Variants in PTPN22 observed in about 807,000 individuals in gnomAD.
PTPN22 encodes the protein protein tyrosine phosphatase non-receptor type 22.
A neutral mutation model predicts 103.3 loss-of-function variants in PTPN22; 85 were observed. The ratio of observed to expected loss-of-function variants is 0.82; its 90% CI spans 0.69 to 0.99. PTPN22 has a LOEUF of 0.99. PTPN22 is among the 50% of genes least tolerant of loss of function. The pLI, the probability that PTPN22 is intolerant of heterozygous loss-of-function variation, is 0.00. For missense variants in PTPN22, 865 were observed against 936.9 expected (o/e 0.92, Z 1.00); for synonymous variants, 323 against 310.2 (o/e 1.04, Z -0.43).
At chr1:113,814,695 AT>A in exon 21 of PTPN22, 1 of 523,496 alleles carries the variant, frequency 1.9e-6, no homozygotes, top group Admixed American at 3.7e-5. Context: ...ACAAACTTTT[AT>A]TTGCAGTTTT....
exon 13 of PTPN22, chr1:113,837,837 A>C (rs773536218): frequency 1.9e-6 from 3 of 1,613,860 alleles, no homozygotes; most frequent in Non-Finnish European, 2.5e-6. Context: ...CACCAAGAGC[A>C]CTAGAGTCAT....
rs187131457 is a variant in PTPN22 at position 113,837,615 on chromosome 1, T to G, written c.1785A>C (p.Leu595=). The change falls in exon 13 of 21, where the codon CTA becomes CTC. Residue 595 remains leucine, a synonymous_variant. Transcript: ENST00000359785. Reference sequence around the variant, plus strand: ...CTAGTACAGCTGACTCCTGGTTCAATAGTGAGGAAATATTGGTTGGAGAAT... The same window carrying G: ...CTAGTACAGCTGACTCCTGGTTCAAGAGTGAGGAAATATTGGTTGGAGAAT... The G allele has an allele frequency of 1.1e-3, 1,726 of 1,588,608 alleles. 30 individuals are homozygous for G. The highest frequency in any genetic ancestry group is 6.7e-5 in the Non-Finnish European group (77 of 1,157,022).
At chr1:113,849,398 G>GA (rs1664353857) in intron 10 of PTPN22, among the ~76,000 whole-genome samples, 1 of 152,038 alleles carries the variant, frequency 6.6e-6, no homozygotes, top group African/African-American at 2.4e-5. Flanking sequence ...ACTTAATTTT[G>GA]AACCTACTTT....
At chr1:113,831,813 C>T (rs1217395) in intron 16 of PTPN22, among the ~76,000 whole-genome samples, 116,705 of 152,182 alleles carry the variant, frequency 0.77, 45,681 homozygotes, top group African/African-American at 0.9. Context: ...AGTGGTTCCA[C>T]GTGAGTATTA....
At chr1:113,851,234 C>T (rs1162918378) in intron 10 of PTPN22, among the ~76,000 whole-genome samples, 3 of 150,588 alleles carry the variant, frequency 2.0e-5, no homozygotes, top group African/African-American at 7.3e-5. Context: ...CCCTCTGCAA[C>T]CTCCACCTCG....
At position 113,868,464 on chromosome 1, in the gene PTPN22, C is replaced by G. The variant is rs909247392; in HGVS notation, c.87+3073G>C. ...CCCTCTGATTTAGTGGCAGTATTTA[C>G]CTTGTCCAAGCAAGCAGTCTAGCCT... On this transcript the variant is annotated intron_variant, in intron 1 of 20. Transcript: ENST00000359785. 3.3e-5 allele frequency among the ~76,000 whole-genome samples: 5 copies of G among 152,150 alleles called. No homozygotes were observed. The East Asian group carries it at 9.6e-4, about 29-fold the overall frequency.
chr1:113,848,687 G>A, intron 10 of PTPN22, 61 bp from the exon 11 acceptor site: 8 of 1,493,010 alleles, frequency 5.4e-6, no homozygotes, highest in Non-Finnish European at 7.3e-6. Context: ...GTGAACGACA[G>A]GACCAGATTT....
chr1:113,838,062 C>T, exon 13 of PTPN22: 2 of 1,613,794 alleles, frequency 1.2e-6, no homozygotes, highest in Non-Finnish European at 8.5e-7. Context: ...TTGATTTGGT[C>T]CGTGTTATTG....
chr1:113,852,842 G>A (rs1388202890), intron 9 of PTPN22, among the ~76,000 whole-genome samples: 3 of 152,214 alleles, frequency 2.0e-5, no homozygotes, highest in African/African-American at 4.8e-5. Context: ...CCTATTTTCA[G>A]TATTTCACAA....
intron 1 of PTPN22, among the ~76,000 whole-genome samples, chr1:113,863,207 C>A (rs781121640): frequency 1.2e-4 from 18 of 152,152 alleles, no homozygotes; most frequent in Non-Finnish European, 2.5e-4. Flanking sequence ...ATCCTCCCAC[C>A]TCAGCCTCCT....
At chr1:113,820,212 G>C (rs1166577528) in intron 19 of PTPN22, among the ~76,000 whole-genome samples, 2 of 152,086 alleles carry the variant, frequency 1.3e-5, no homozygotes, top group Non-Finnish European at 2.9e-5. Context: ...CCAGTACTTT[G>C]GGAGGCTGAG....
chr1:113,865,014 G>A (rs1057466224), intron 1 of PTPN22, among the ~76,000 whole-genome samples: 1 of 152,222 alleles, frequency 6.6e-6, no homozygotes, highest in Non-Finnish European at 1.5e-5. Flanking sequence ...CTATGGCAGA[G>A]GAAGCATGGC....
exon 21 of PTPN22, chr1:113,814,771 A>G: frequency 1.4e-6 from 1 of 725,470 alleles, no homozygotes; most frequent in Non-Finnish European, 2.3e-6. Context: ...TTTTCTTTTA[A>G]AAGCTATTAA....
chr1:113,833,203 C>T, intron 15 of PTPN22, 65 bp from the exon 16 acceptor site: 2 of 1,301,300 alleles, frequency 1.5e-6, no homozygotes, highest in Non-Finnish European at 2.1e-6. Flanking sequence ...AAACTCAAAG[C>T]AAAAAATGGC....
At chr1:113,849,586 AT>A (rs199711488) in intron 10 of PTPN22, among the ~76,000 whole-genome samples, 4 of 56,002 alleles carry the variant, frequency 7.1e-5, no homozygotes, top group Non-Finnish European at 1.6e-4. Context: ...TTATTTATTT[AT>A]TTATTTATTT....
chr1:113,824,179 G>A (rs1055527429), intron 19 of PTPN22, among the ~76,000 whole-genome samples: 2 of 150,774 alleles, frequency 1.3e-5, no homozygotes, highest in African/African-American at 2.4e-5. Context: ...TTGGCTCACC[G>A]CAACCTCCGC....
rs74111749 is a variant in PTPN22, at chr1:113,822,572, G to A, written c.2281+2570C>T. ...CAATACACCAAAATCTCCTACCTCA[G>A]AGATTTTGTTCCCTCTATCTGAAAT... On this transcript the variant is annotated intron_variant, in intron 19 of 20. Transcript: ENST00000359785. Among the ~76,000 whole-genome samples, 687 of 152,210 alleles carry A rather than the reference G, an allele frequency of 4.5e-3. 7 individuals carry two copies. Among genetic ancestry groups the A allele is most frequent in the African/African-American group, 0.016 (644 of 41,522 alleles).
intron 5 of PTPN22, chr1:113,856,822 G>A (rs979138589): frequency 2.8e-5 from 16 of 579,024 alleles, no homozygotes; most frequent in African/African-American, 2.4e-4. Flanking sequence ...AGACTTCCTG[G>A]GAGTCTGAAA....
At chr1:113,846,328 T>C (rs1171019160) in intron 11 of PTPN22, among the ~76,000 whole-genome samples, 2 of 152,190 alleles carry the variant, frequency 1.3e-5, no homozygotes, top group Admixed American at 1.3e-4. Flanking sequence ...GCTCTAGATA[T>C]AGATACAGAT....
Sources: gnomAD v4.1 joint callset for allele counts (sites outside exome capture counted in the v4.1 genomes callset) on GRCh38, gnomAD v4.1.1 for gene constraint, MANE v1.5 for transcripts, NCBI Gene and HGNC (gene_info 2026-07-23, HGNC 2026-07-21) for gene names.